OVCH1: variants seen among roughly 807,000 people sequenced by gnomAD.
OVCH1 encodes the protein ovochymase 1.
A neutral mutation model predicts 138.4 loss-of-function variants in OVCH1; 139 were observed. The ratio of observed to expected loss-of-function variants is 1.00; its 90% confidence interval spans 0.87 to 1.16. OVCH1 has a LOEUF of 1.16. OVCH1 is among the 50% of genes most tolerant of loss of function. The pLI, the probability that OVCH1 is intolerant of heterozygous loss-of-function variation, is 0.00. For synonymous variants in OVCH1, 453 were observed against 467.8 expected, an observed-to-expected ratio of 0.97 and a Z score of 0.41; for missense variants, 1,367 against 1,357.9, an observed-to-expected ratio of 1.01 and a Z score of -0.11.
At chr12:29,441,709 C>T (rs1418906545) in intron 25 of OVCH1, among the ~76,000 whole-genome samples, 33 of 151,958 alleles carry the variant, frequency 2.2e-4, no homozygotes, top group Non-Finnish European at 2.9e-4. Flanking sequence ...AGAAAATTTT[C>T]GCAACCTACT....
exon 24 of OVCH1, chr12:29,444,184 A>G: frequency 6.2e-7 from 1 of 1,611,482 alleles, no homozygotes; most frequent in Non-Finnish European, 8.5e-7. Flanking sequence ...GATCTGCATG[A>G]TCCCTTCTGG....
At position 29,439,166 on chromosome 12, in the gene OVCH1, A is replaced by G. The variant is rs1941421406; in HGVS notation, c.3264+162T>C. Reference sequence around the variant, plus strand: ...TTTATTTTCTACAACTGTCCCCAATATATTCACCTTCCTACAATATGCCAC... The same window carrying G: ...TTTATTTTCTACAACTGTCCCCAATGTATTCACCTTCCTACAATATGCCAC... On this transcript the variant is annotated intron_variant, in intron 26 of 27. Coordinates refer to ENST00000318184, the Ensembl canonical transcript of OVCH1. 5.3e-5 allele frequency among the ~76,000 whole-genome samples: 8 copies of G among 149,800 alleles called. No individual in the cohort carries two copies. In the South Asian group the frequency reaches 1.7e-3, roughly 32 times the overall value.
At chr12:29,450,772 C>G (rs1941765661) in intron 22 of OVCH1, among the ~76,000 whole-genome samples, 1 of 152,044 alleles carries the variant, frequency 6.6e-6, no homozygotes, top group South Asian at 2.1e-4. Context: ...AACCCAAATG[C>G]CCATCAATGA....
At chr12:29,419,292 G>GGT (rs202235308) in intron 3 of OVCH1, among the ~76,000 whole-genome samples, 30 of 135,256 alleles carry the variant, frequency 2.2e-4, no homozygotes, top group South Asian at 1.4e-3. Context: ...AACAAAGTAT[G>GGT]ATTTTTTTTT....
At chr12:29,494,916 G>T (rs1433761883) in intron 4 of OVCH1, among the ~76,000 whole-genome samples, 1 of 152,144 alleles carries the variant, frequency 6.6e-6, no homozygotes, top group Non-Finnish European at 1.5e-5. Context: ...AATAATTCAA[G>T]TGTTCCTAGC....
chr12:29,414,071 G>A (rs1054638828), intron 3 of OVCH1, among the ~76,000 whole-genome samples: 1 of 146,118 alleles, frequency 6.8e-6, no homozygotes, highest in African/African-American at 2.6e-5. Context: ...CCAGGCTGGA[G>A]TGTAGTGGCA....
intron 8 of OVCH1, chr12:29,478,919 T>C (rs764990864): frequency 6.4e-7 from 1 of 1,557,866 alleles, no homozygotes; most frequent in South Asian, 1.2e-5. Context: ...CTTGTAAATT[T>C]TATCAGGATT....
intron 1 of OVCH1, 64 bp downstream of exon 1, chr12:29,497,559 A>G: frequency 6.3e-7 from 1 of 1,585,060 alleles, no homozygotes; most frequent in Non-Finnish European, 8.6e-7. Flanking sequence ...GGAGTAATGA[A>G]GTCTTCCCTC....
intron 25 of OVCH1, chr12:29,440,723 C>G (rs986795603): frequency 2.2e-6 from 1 of 455,794 alleles, no homozygotes; most frequent in African/African-American, 2.0e-5. Context: ...ACCAAGAAAG[C>G]TCAGTGCTCA....
chr12:29,446,752 T>C (rs919315895), intron 22 of OVCH1, among the ~76,000 whole-genome samples: 1 of 152,056 alleles, frequency 6.6e-6, no homozygotes, highest in African/African-American at 2.4e-5. Context: ...GACTTTTTTC[T>C]TTTAAAGGAA....
downstream of OVCH1, among the ~76,000 whole-genome samples, chr12:29,411,598 G>T (rs1940956962): frequency 6.6e-6 from 1 of 152,282 alleles, no homozygotes; most frequent in African/African-American, 2.4e-5. Flanking sequence ...GGTATCAGCA[G>T]CGGTGTTTGC....
intron 26 of OVCH1, chr12:29,433,959 T>A: frequency 1.7e-6 from 1 of 599,676 alleles, no homozygotes; most frequent in Non-Finnish European, 2.5e-6. Flanking sequence ...GTGAATGGAT[T>A]AATCTTAAGT....
chr12:29,436,576 C>T (rs1380737988), intron 26 of OVCH1, among the ~76,000 whole-genome samples: 1 of 152,236 alleles, frequency 6.6e-6, no homozygotes, highest in African/African-American at 2.4e-5. Flanking sequence ...AAGCCGCAGA[C>T]ATTTGCGGCG....
exon 22 of OVCH1, chr12:29,451,560 G>T: frequency 6.2e-7 from 1 of 1,609,616 alleles, no homozygotes; most frequent in South Asian, 1.1e-5. Flanking sequence ...CTCTGCTTCA[G>T]AGCAACAACC....
intron 24 of OVCH1, 112 bp downstream of exon 24, chr12:29,444,033 C>G: frequency 7.8e-7 from 1 of 1,279,456 alleles, no homozygotes; most frequent in Non-Finnish European, 1.1e-6. Flanking sequence ...AGAGTCTATT[C>G]TTTTTGGAAA....
At chr12:29,403,577 CCT>C in the OVCH1 span, among the ~76,000 whole-genome samples, 231 of 152,264 alleles carry the variant, frequency 1.5e-3, 1 homozygote, top group South Asian at 5.0e-3. Context: ...TCAGTTCCTC[CCT>C]GATTCTTGGC....
chr12:29,460,799 A>G (rs546723405), intron 19 of OVCH1, among the ~76,000 whole-genome samples: 41 of 152,064 alleles, frequency 2.7e-4, no homozygotes, highest in African/African-American at 9.6e-4. Context: ...GGTGATATCT[A>G]TGATTCCTAA....
intron 3 of OVCH1, among the ~76,000 whole-genome samples, chr12:29,414,493 CTG>C: frequency 6.6e-6 from 1 of 152,292 alleles, no homozygotes. Flanking sequence ...GAAAATAAAT[CTG>C]TGCAGTTGTG....
At chr12:29,446,882 T>C (rs1257198391) in intron 22 of OVCH1, among the ~76,000 whole-genome samples, 1 of 151,892 alleles carries the variant, frequency 6.6e-6, no homozygotes, top group African/African-American at 2.4e-5. Flanking sequence ...ATGAAAGCAA[T>C]GAATTAAAAA....
Sources: allele counts gnomAD v4.1 joint callset (sites outside exome capture counted in the v4.1 genomes callset), GRCh38; gene constraint gnomAD v4.1.1; transcripts MANE v1.5; gene names NCBI Gene and HGNC (gene_info 2026-07-23, HGNC 2026-07-21).